Variants in PSME3IP1 observed in about 807,000 individuals in gnomAD.
PSME3IP1 encodes the protein proteasome activator subunit 3 interacting protein 1.
Under a neutral mutation model 34.1 loss-of-function variants are expected in PSME3IP1, and 13 were observed. The ratio of observed to expected loss-of-function variants is 0.38; its 90% CI spans 0.25 to 0.61. The LOEUF is 0.61. Among genes scored for constraint, PSME3IP1 ranks in the 20% least tolerant of loss-of-function variants. PSME3IP1 has a pLI of 0.60. For missense variants in PSME3IP1, 237 were observed against 301.4 expected (o/e 0.79, Z 1.58); for synonymous variants, 93 against 114.3 (o/e 0.81, Z 1.19).
chr16:57,176,891 G>T (rs2073222135), intron 1 of PSME3IP1, among the ~76,000 whole-genome samples: 1 of 151,532 alleles, frequency 6.6e-6, no homozygotes, highest in African/African-American at 2.4e-5. Flanking sequence ...GTCTCGCTCT[G>T]CCGCCCAGGC....
At chr16:57,164,327 G>A (rs1273539378) in intron 5 of PSME3IP1, among the ~76,000 whole-genome samples, 6 of 152,144 alleles carry the variant, frequency 3.9e-5, no homozygotes, top group Non-Finnish European at 7.4e-5. Flanking sequence ...ATTCTTGGCC[G>A]TCTTTATCAC....
intron 4 of PSME3IP1, among the ~76,000 whole-genome samples, chr16:57,168,803 CAA>C (rs1189721344): frequency 1.2e-3 from 28 of 23,886 alleles, no homozygotes; most frequent in African/African-American, 4.9e-3. Context: ...AACTCTGTCT[CAA>C]AAAAAAAAAA....
At chr16:57,158,953 C>T (rs1164243325) in intron 6 of PSME3IP1, among the ~76,000 whole-genome samples, 1 of 152,142 alleles carries the variant, frequency 6.6e-6, no homozygotes, top group African/African-American at 2.4e-5. Flanking sequence ...TAGAAAAAGG[C>T]ATAGTAAAAA....
At chr16:57,176,508 G>C (rs1430804676) in intron 1 of PSME3IP1, among the ~76,000 whole-genome samples, 1 of 152,174 alleles carries the variant, frequency 6.6e-6, no homozygotes, top group Non-Finnish European at 1.5e-5. Context: ...TCTCTAAGCA[G>C]ATTTGACTGT....
chr16:57,170,121 T>C (rs113554779), intron 4 of PSME3IP1, among the ~76,000 whole-genome samples: 2 of 150,322 alleles, frequency 1.3e-5, no homozygotes, highest in African/African-American at 4.9e-5. Context: ...TCTTGCTCTG[T>C]CCCCAGCCTG....
intron 1 of PSME3IP1, among the ~76,000 whole-genome samples, chr16:57,184,979 C>T (rs999613615): frequency 6.6e-6 from 1 of 152,216 alleles, no homozygotes; most frequent in Non-Finnish European, 1.5e-5. Flanking sequence ...AGGGTGCCTT[C>T]CATTTTATGG....
intron 6 of PSME3IP1, among the ~76,000 whole-genome samples, chr16:57,157,684 G>C (rs1233793218): frequency 6.6e-6 from 1 of 151,506 alleles, no homozygotes; most frequent in Non-Finnish European, 1.5e-5. Flanking sequence ...GGGCTCAAGT[G>C]ATGTTCCCGC....
At chr16:57,160,876 C>T (rs12599485) in intron 6 of PSME3IP1, among the ~76,000 whole-genome samples, 145,843 of 152,306 alleles carry the variant, frequency 0.96, 69,868 homozygotes, top group Middle Eastern at 0.99. Flanking sequence ...CCAGATCAAA[C>T]TACCATTTTA....
At chr16:57,168,373 C>T (rs1000342220) in intron 4 of PSME3IP1, among the ~76,000 whole-genome samples, 4 of 152,030 alleles carry the variant, frequency 2.6e-5, no homozygotes, top group African/African-American at 9.7e-5. Context: ...TTCTTATGGG[C>T]ACAAGTTACC....
intron 1 of PSME3IP1, among the ~76,000 whole-genome samples, chr16:57,183,433 AGC>A (rs1408979506): frequency 1.3e-5 from 2 of 152,142 alleles, no homozygotes; most frequent in African/African-American, 2.4e-5. Context: ...CCCAGGTTCA[AGC>A]GATTCTCCTA....
intron 4 of PSME3IP1, among the ~76,000 whole-genome samples, chr16:57,170,627 T>A (rs1428038823): frequency 6.6e-6 from 1 of 152,232 alleles, no homozygotes; most frequent in Non-Finnish European, 1.5e-5. Flanking sequence ...GAATCTACTA[T>A]ATGCCAGGCA....
intron 6 of PSME3IP1, among the ~76,000 whole-genome samples, chr16:57,161,764 G>A (rs1385056779): frequency 2.0e-5 from 3 of 151,896 alleles, no homozygotes; most frequent in Non-Finnish European, 4.4e-5. Flanking sequence ...CACCCGCCTC[G>A]GCTCCCAAAG....
intron 1 of PSME3IP1, chr16:57,174,792 CTCT>C (rs1390826332): frequency 3.3e-6 from 2 of 606,340 alleles, no homozygotes; most frequent in Non-Finnish European, 4.1e-6. Context: ...ACTAATCTGA[CTCT>C]TCATTTATAT....
At position 57,167,154 on chromosome 16, in the gene PSME3IP1, T is replaced by C. The variant is rs143746498; in HGVS notation, c.421A>G (p.Ile141Val). The C allele has an allele frequency of 3.7e-6, 6 of 1,614,198 alleles. No individual in the cohort carries two copies. The highest frequency in any genetic ancestry group is 5.1e-6 in the Non-Finnish European group (6 of 1,180,014). ...EVEKKLTVKPIETKNKFSQAK... is the reference protein window; with the variant it reads ...EVEKKLTVKPVETKNKFSQAK... ...TGGGAGAACTTGTTCTTGGTTTCTA[T>C]AGGCTTCACAGTCAGTTTCTTTTCC... Residue 141 changes from isoleucine (I) to valine (V), a missense_variant, in exon 5 of 7, where the codon ATA becomes GTA. By Grantham distance (29) the Ile-to-Val change is conservative. Transcript: ENST00000309137.
chr16:57,164,688 T>C (rs1191028755), intron 5 of PSME3IP1, among the ~76,000 whole-genome samples: 1 of 152,170 alleles, frequency 6.6e-6, no homozygotes, highest in Non-Finnish European at 1.5e-5. Context: ...TGTGTGTATG[T>C]ACTAGTTGGT....
intron 1 of PSME3IP1, among the ~76,000 whole-genome samples, chr16:57,179,991 C>T (rs2073546860): frequency 6.6e-6 from 1 of 152,134 alleles, no homozygotes; most frequent in African/African-American, 2.4e-5. Context: ...AAAAATTTAG[C>T]TGACTTTTCC....
Position 57,164,081 on chromosome 16 carries a change from T to C in PSME3IP1, c.483-16A>G, listed in dbSNP as rs1454037043. On this transcript the variant is annotated splice_polypyrimidine_tract_variant and intron_variant, in intron 5 of 6. Transcript: ENST00000309137. ...ACTCTCTGAGCTGTAACAAAACACA[T>C]GGTGACTTGAGCCATGTCCAATCTT... 8 of 1,613,286 alleles carry C rather than the reference T, an allele frequency of 5.0e-6. No homozygotes were observed. Among genetic ancestry groups the C allele is most frequent in the Non-Finnish European group, 6.8e-6 (8 of 1,179,586 alleles).
chr16:57,177,095 T>C (rs2073245459), intron 1 of PSME3IP1, among the ~76,000 whole-genome samples: 1 of 152,258 alleles, frequency 6.6e-6, no homozygotes, highest in African/African-American at 2.4e-5. Flanking sequence ...CCTCAGGTGA[T>C]CCACCGGCCT....
At chr16:57,184,253 A>G (rs1359521086) in intron 1 of PSME3IP1, among the ~76,000 whole-genome samples, 2 of 152,112 alleles carry the variant, frequency 1.3e-5, no homozygotes, top group African/African-American at 4.8e-5. Context: ...TAAAAAAAAA[A>G]AGAGAAACAA....
Sources: allele counts gnomAD v4.1 joint callset (sites outside exome capture counted in the v4.1 genomes callset), GRCh38; gene constraint gnomAD v4.1.1; transcripts MANE v1.5; gene names NCBI Gene and HGNC (gene_info 2026-07-23, HGNC 2026-07-21).